The following PRRG1 variants were observed in gnomAD, a reference collection of about 807,000 sequenced individuals.
The protein encoded by PRRG1 is transmembrane gamma-carboxyglutamic acid protein 1.
A neutral mutation model predicts 11.8 loss-of-function variants in PRRG1; 5 were observed. The ratio of observed to expected loss-of-function variants is 0.42; its 90% CI spans 0.22 to 0.89. The LOEUF (loss-of-function observed/expected upper bound fraction) is 0.89, where lower values mean the gene tolerates loss of function less well. Among genes scored for constraint, PRRG1 ranks in the 40% least tolerant of loss-of-function variants. PRRG1 has a pLI of 0.28. For missense variants in PRRG1, 155 were observed against 166.1 expected (o/e 0.93, Z 0.37); for synonymous variants, 66 against 60.4 (o/e 1.09, Z -0.43).
chrX:37,360,813 A>T (rs1336863145), intron 1 of PRRG1, among the ~76,000 whole-genome samples: 2 of 112,435 alleles, frequency 1.8e-5, no homozygotes, highest in East Asian at 2.8e-4. Context: ...GTTATCCTGA[A>T]AACCTGAGGG....
At chrX:37,408,296 A>G (rs980890670) in intron 2 of PRRG1, among the ~76,000 whole-genome samples, 2 of 111,711 alleles carry the variant, frequency 1.8e-5, no homozygotes, top group Non-Finnish European at 3.8e-5. Context: ...TACAGCTGAG[A>G]GAGGAAACCT....
At chrX:37,441,357 T>A in intron 3 of PRRG1, 7 of 755,127 alleles carry the variant, frequency 9.3e-6, no homozygotes, top group Non-Finnish European at 1.1e-5. Context: ...AACATAGTAC[T>A]CATTCTCCTC....
chrX:37,363,277 C>T (rs1930469506), intron 1 of PRRG1, among the ~76,000 whole-genome samples: 1 of 111,459 alleles, frequency 9.0e-6, no homozygotes, highest in Non-Finnish European at 1.9e-5. Context: ...TTGCATGAAG[C>T]ATAGTTTTGG....
chrX:37,371,209 A>T (rs1045658119), intron 1 of PRRG1, among the ~76,000 whole-genome samples: 14 of 111,642 alleles, frequency 1.3e-4, no homozygotes, highest in African/African-American at 4.6e-4. Flanking sequence ...AGACTCAAGG[A>T]AAGGATGAGA....
intron 1 of PRRG1, among the ~76,000 whole-genome samples, chrX:37,398,535 A>C (rs1845841978): frequency 8.9e-6 from 1 of 111,893 alleles, no homozygotes; most frequent in African/African-American, 3.2e-5. Flanking sequence ...TGGGGAAAAA[A>C]CAGAGCAGAA....
chrX:37,432,322 A>G (rs113676926), intron 3 of PRRG1, among the ~76,000 whole-genome samples: 29,977 of 109,840 alleles, frequency 0.27, 6,782 homozygotes, highest in African/African-American at 0.76. Context: ...TCCTGACCTC[A>G]TGATCCGCCC....
At chrX:37,352,239 C>T (rs182207118) in intron 1 of PRRG1, among the ~76,000 whole-genome samples, 5 of 112,745 alleles carry the variant, frequency 4.4e-5, no homozygotes, top group African/African-American at 1.6e-4. Flanking sequence ...CTTAGTCTAG[C>T]CTTCTGTGCC....
At chrX:37,426,171 C>A (rs1556388355) in intron 3 of PRRG1, among the ~76,000 whole-genome samples, 171 bp downstream of exon 3, 4 of 111,521 alleles carry the variant, frequency 3.6e-5, no homozygotes, top group African/African-American at 1.3e-4. Flanking sequence ...GAGCTAGGTT[C>A]ACTTCCCCTT....
chrX:37,378,343 A>G (rs996125822), intron 1 of PRRG1, among the ~76,000 whole-genome samples: 6 of 111,819 alleles, frequency 5.4e-5, no homozygotes, highest in African/African-American at 1.9e-4. Flanking sequence ...TGTGATCAGA[A>G]GGACAGGGAG....
intron 1 of PRRG1, among the ~76,000 whole-genome samples, chrX:37,369,507 A>G (rs1158106641): frequency 1.8e-5 from 2 of 111,728 alleles, no homozygotes; most frequent in East Asian, 2.8e-4. Context: ...TTTCTCAGCA[A>G]TTTTCAAGTA....
At chrX:37,394,255 T>C (rs1931642034) in intron 1 of PRRG1, among the ~76,000 whole-genome samples, 2 of 111,539 alleles carry the variant, frequency 1.8e-5, no homozygotes, top group South Asian at 7.6e-4. Flanking sequence ...AGAGGCCAAA[T>C]AGGATGAAAC....
At chrX:37,375,617 A>T (rs1402202419) in intron 1 of PRRG1, among the ~76,000 whole-genome samples, 1 of 111,517 alleles carries the variant, frequency 9.0e-6, no homozygotes, top group Admixed American at 9.5e-5. Context: ...CAAATATGAC[A>T]CCATTGTATA....
chrX:37,355,727 A>G (rs1556365946), intron 1 of PRRG1, among the ~76,000 whole-genome samples: 2 of 112,189 alleles, frequency 1.8e-5, no homozygotes, highest in Non-Finnish European at 3.8e-5. Flanking sequence ...TTGTTTGCAC[A>G]CTACTGTTCT....
chrX:37,454,092 A>G lies in PRRG1; in HGVS notation c.*471A>G, dbSNP rs1428263293. 6 of 112,533 alleles carry G rather than the reference A, an allele frequency of 5.3e-5. No individual in the cohort carries two copies. The highest frequency in any genetic ancestry group is 1.9e-4 in the African/African-American group (6 of 30,950). The allele number at this position is 112,533 out of a possible 1,213,427, so 9.3% of individuals were successfully genotyped here. A position where few individuals can be genotyped will look rare whatever the true frequency, so the allele number is the denominator to read the frequency against. The stretch of plus-strand genomic sequence containing the variant: ...ACTGGATGTACTTAGCATGTTTTCT[A>G]ATTCTGACTGGCTTTTGTTAACTTG... On this transcript the variant is annotated 3_prime_UTR_variant, in exon 4 of 4. Coordinates refer to ENST00000378628, the MANE Select transcript of PRRG1 (RefSeq NM_001142395.2).
At chrX:37,376,534 T>C (rs1377358201) in intron 1 of PRRG1, among the ~76,000 whole-genome samples, 1 of 86,418 alleles carries the variant, frequency 1.2e-5, no homozygotes, top group African/African-American at 4.2e-5. Context: ...GTTCAGTGTT[T>C]AGTCAGAAAT....
chrX:37,445,432 G>A (rs1273361042), intron 3 of PRRG1, among the ~76,000 whole-genome samples: 1 of 112,117 alleles, frequency 8.9e-6, no homozygotes, highest in Admixed American at 9.5e-5. Flanking sequence ...GGTGATGAGT[G>A]TGCACACTGA....
intron 2 of PRRG1, among the ~76,000 whole-genome samples, chrX:37,416,413 A>G (rs1161418689): frequency 2.7e-5 from 3 of 112,301 alleles, no homozygotes; most frequent in African/African-American, 9.7e-5. Context: ...TTTATTTTCT[A>G]TTAAATGGTG....
At chrX:37,391,806 A>G (rs150867854) in intron 1 of PRRG1, among the ~76,000 whole-genome samples, 139 of 112,446 alleles carry the variant, frequency 1.2e-3, no homozygotes, top group Middle Eastern at 4.6e-3. Flanking sequence ...GTGTTTCTAT[A>G]GTTAGGATAA....
At chrX:37,394,796 G>A (rs781985342) in intron 1 of PRRG1, among the ~76,000 whole-genome samples, 1 of 110,247 alleles carries the variant, frequency 9.1e-6, no homozygotes, top group African/African-American at 3.3e-5. Context: ...TTCTCTAAGA[G>A]TTCCAAATTT....
Sources: gnomAD v4.1 joint callset for allele counts (sites outside exome capture counted in the v4.1 genomes callset) on GRCh38, gnomAD v4.1.1 for gene constraint, MANE v1.5 for transcripts, NCBI Gene and HGNC (gene_info 2026-07-23, HGNC 2026-07-21) for gene names.